The following CTTNBP2NL variants were observed in gnomAD, a reference collection of about 807,000 sequenced individuals.
CTTNBP2NL encodes CTTNBP2 N-terminal-like protein.
In CTTNBP2NL, 16 loss-of-function variants were observed where a neutral mutation model predicts 32.5. The ratio of observed to expected loss-of-function variants is 0.49; its 90% CI spans 0.33 to 0.75. The LOEUF is 0.75. CTTNBP2NL is among the 30% of genes least tolerant of loss of function. CTTNBP2NL has a pLI of 0.02. For synonymous variants in CTTNBP2NL, 298 were observed against 289.4 expected (o/e 1.03, Z -0.30); for missense variants, 645 against 756.0 (o/e 0.85, Z 1.72).
chr1:112,415,756 C>T, intron 2 of CTTNBP2NL: 1 of 209,824 alleles, frequency 4.8e-6, no homozygotes. Flanking sequence ...AGGGTTTTAC[C>T]ATGTTGGCCG....
intron 3 of CTTNBP2NL, among the ~76,000 whole-genome samples, chr1:112,446,742 G>T (rs918669058): frequency 6.6e-6 from 1 of 152,068 alleles, no homozygotes; most frequent in Non-Finnish European, 1.5e-5. Flanking sequence ...TAGAGACAAG[G>T]TCTCCCTATT....
chr1:112,456,459 C>T lies in CTTNBP2NL; in HGVS notation c.967C>T (p.His323Tyr). 2 of 1,614,106 alleles carry T rather than the reference C, an allele frequency of 1.2e-6. No individual in the cohort carries two copies. Among genetic ancestry groups the T allele is most frequent in the Non-Finnish European group, 1.7e-6 (2 of 1,180,036 alleles). The stretch of plus-strand genomic sequence containing the variant: ...AGAGAGTTTTCCAGCAGAAAGAACC[C>T]ATGGGAGCAACATAGCCAAGATGAC... ...QTESFPAERTHGSNIAKMTNT... is the reference protein window; with the variant it reads ...QTESFPAERTYGSNIAKMTNT... Residue 323 changes from histidine to tyrosine, a missense_variant, in exon 6 of 6, where the codon CAT (histidine) becomes TAT (tyrosine). By Grantham distance (83) the His-to-Tyr change is moderately conservative (BLOSUM62 2). Transcript: ENST00000271277.
At chr1:112,415,705 C>G (rs1200263827) in intron 2 of CTTNBP2NL, 1 of 175,562 alleles carries the variant, frequency 5.7e-6, no homozygotes, top group East Asian at 1.9e-4. Context: ...TACAGGCGTG[C>G]CCCACCATGC....
chr1:112,426,816 G>C (rs976258099), intron 3 of CTTNBP2NL, among the ~76,000 whole-genome samples: 4 of 151,986 alleles, frequency 2.6e-5, no homozygotes. Flanking sequence ...ATATTGGCCA[G>C]ACTAGTCTCA....
At position 112,456,610 on chromosome 1, in the gene CTTNBP2NL, C is replaced by T. The variant is rs763592324; in HGVS notation, c.1118C>T (p.Pro373Leu). The change falls in exon 6 of 6, where the codon CCT becomes CTT. Residue 373 changes from proline to leucine, a missense_variant. By Grantham distance (98) the Pro-to-Leu change is moderately conservative (BLOSUM62 -3). Coordinates refer to ENST00000271277, the MANE Select transcript of CTTNBP2NL (RefSeq NM_018704.3). ...TAGNNVENQVPPREKSVALAQ... is the reference protein window; with the variant it reads ...TAGNNVENQVLPREKSVALAQ... ...GGCAACAATGTAGAAAACCAGGTGC[C>T]TCCACGGGAAAAATCTGTGGCATTG... The T allele has an allele frequency of 2.5e-6, 4 of 1,614,148 alleles. No individual in the cohort carries two copies. The highest frequency in any genetic ancestry group is 2.2e-5 in the East Asian group (1 of 44,866).
chr1:112,446,210 A>C (rs1365494025), intron 3 of CTTNBP2NL, among the ~76,000 whole-genome samples: 3 of 150,206 alleles, frequency 2.0e-5, no homozygotes, highest in Non-Finnish European at 4.4e-5. Context: ...AAAAAAAAAA[A>C]AACAACATAG....
At position 112,457,311 on chromosome 1, in the gene CTTNBP2NL, G is replaced by T; in HGVS notation, c.1819G>T (p.Ala607Ser). Reference protein sequence around the residue: ...TPLTKTHSQAASLTTAEDLAS... With the variant: ...TPLTKTHSQASSLTTAEDLAS... ...ATTGACCAAAACTCATTCCCAGGCA[G>T]CCTCTTTGACCACTGCAGAAGACCT... Residue 607 changes from alanine (A) to serine (S), a missense_variant, in exon 6 of 6, where the codon GCC becomes TCC. Coordinates refer to ENST00000271277, the MANE Select transcript of CTTNBP2NL (RefSeq NM_018704.3). 6.2e-7 allele frequency: 1 copy of T among 1,614,164 alleles called. No homozygotes were observed. Among genetic ancestry groups the T allele is most frequent in the South Asian group, 1.1e-5 (1 of 91,082 alleles).
At position 112,457,423 on chromosome 1, in the gene CTTNBP2NL, G is replaced by A; in HGVS notation, c.*11G>A. On this transcript the variant is annotated 3_prime_UTR_variant, in exon 6 of 6. Coordinates refer to ENST00000271277, the MANE Select transcript of CTTNBP2NL (RefSeq NM_018704.3). Reference sequence around the variant, plus strand: ...CCTACCAGCAGCTAGTCCCTAGGAGGGAGTCTCCACGTTTGACATTCCATC... The same window carrying A: ...CCTACCAGCAGCTAGTCCCTAGGAGAGAGTCTCCACGTTTGACATTCCATC... 6.3e-7 allele frequency: 1 copy of A among 1,591,794 alleles called. No homozygotes were observed. The highest frequency in any genetic ancestry group is 8.6e-7 in the Non-Finnish European group (1 of 1,167,828).
chr1:112,400,966 C>CAAAAAAAAAAAAAAAAAAAAAAAAAAAA (rs56784970), intron 1 of CTTNBP2NL, among the ~76,000 whole-genome samples: 1 of 102,874 alleles, frequency 9.7e-6, no homozygotes, highest in Non-Finnish European at 2.1e-5. Flanking sequence ...ACTCTGTCAC[C>CAAAAAAAAAAAAAAAAAAAAAAAAAAAA]AAAAAAAAAA....
intron 2 of CTTNBP2NL, among the ~76,000 whole-genome samples, chr1:112,415,584 TCTCA>T (rs72425303): frequency 0.56 from 83,772 of 148,952 alleles, 24,402 homozygotes; most frequent in South Asian, 0.7. Context: ...TGAGACAGAG[TCTCA>T]CTCTGTCGCC....
intron 1 of CTTNBP2NL, among the ~76,000 whole-genome samples, chr1:112,410,837 G>T (rs1648837849): frequency 6.6e-6 from 1 of 152,188 alleles, no homozygotes; most frequent in African/African-American, 2.4e-5. Flanking sequence ...TCGGGTCTTG[G>T]AAGGAATGAG....
At chr1:112,425,520 C>T (rs2101010655) in intron 3 of CTTNBP2NL, among the ~76,000 whole-genome samples, 1 of 152,168 alleles carries the variant, frequency 6.6e-6, no homozygotes, top group East Asian at 1.9e-4. Context: ...ATTTTATATC[C>T]TGCAACCATG....
intron 1 of CTTNBP2NL, among the ~76,000 whole-genome samples, chr1:112,397,702 G>A (rs1347087437): frequency 6.6e-6 from 1 of 152,018 alleles, no homozygotes; most frequent in Non-Finnish European, 1.5e-5. Flanking sequence ...TATTGCTAGC[G>A]CTTTTATATA....
At chr1:112,421,178 C>T (rs1234202805) in intron 3 of CTTNBP2NL, among the ~76,000 whole-genome samples, 1 of 151,958 alleles carries the variant, frequency 6.6e-6, no homozygotes, top group African/African-American at 2.4e-5. Flanking sequence ...TGGCTTATGC[C>T]TATTAATCCC....
At chr1:112,442,765 A>T (rs1004996629) in intron 3 of CTTNBP2NL, among the ~76,000 whole-genome samples, 6 of 151,726 alleles carry the variant, frequency 4.0e-5, no homozygotes, top group Non-Finnish European at 8.8e-5. Context: ...ATCTCAGCTC[A>T]CTATAACCTC....
At chr1:112,402,085 G>A (rs1648522017) in intron 1 of CTTNBP2NL, among the ~76,000 whole-genome samples, 1 of 152,282 alleles carries the variant, frequency 6.6e-6, no homozygotes, top group South Asian at 2.1e-4. Flanking sequence ...GAAAGGCTAG[G>A]CTGAAGCTGA....
At chr1:112,438,381 T>A (rs990948429) in intron 3 of CTTNBP2NL, among the ~76,000 whole-genome samples, 2 of 152,192 alleles carry the variant, frequency 1.3e-5, no homozygotes, top group Admixed American at 6.5e-5. Flanking sequence ...TAGTGATTTT[T>A]GTATGTTGAT....
chr1:112,450,767 C>CTT (rs34309573), intron 4 of CTTNBP2NL, among the ~76,000 whole-genome samples: 4,212 of 133,836 alleles, frequency 0.031, 261 homozygotes, highest in African/African-American at 0.1. Flanking sequence ...CCTATCTATT[C>CTT]TTTTTTTTTT....
intron 2 of CTTNBP2NL, among the ~76,000 whole-genome samples, chr1:112,414,036 A>G (rs1347790623): frequency 6.6e-6 from 1 of 151,996 alleles, no homozygotes; most frequent in East Asian, 1.9e-4. Context: ...CAACAAGAGC[A>G]AAACTCTGTC....
Sources: allele counts gnomAD v4.1 joint callset (sites outside exome capture counted in the v4.1 genomes callset), GRCh38; gene constraint gnomAD v4.1.1; transcripts MANE v1.5; gene names NCBI Gene and HGNC (gene_info 2026-07-23, HGNC 2026-07-21).